Variants in MTMR14 observed in about 807,000 individuals in gnomAD.
MTMR14 encodes the protein phosphatidylinositol-3,5-bisphosphate 3-phosphatase MTMR14.
A neutral mutation model predicts 86.3 loss-of-function variants in MTMR14; 48 were observed. The observed-to-expected ratio is 0.56, with a 90% CI of 0.44 to 0.71. The LOEUF (loss-of-function observed/expected upper bound fraction) is 0.71, where lower values mean the gene tolerates loss of function less well. Ranked by LOEUF, MTMR14 falls within the 30% of genes least tolerant of loss-of-function variation. MTMR14 has a pLI of 0.00. For synonymous variants in MTMR14, 366 were observed against 326.1 expected, an observed-to-expected ratio of 1.12 and a Z score of -1.32; for missense variants, 780 against 834.6, an observed-to-expected ratio of 0.93 and a Z score of 0.81.
intron 2 of MTMR14, among the ~76,000 whole-genome samples, chr3:9,655,669 G>A (rs1431969044): frequency 6.6e-6 from 1 of 151,004 alleles, no homozygotes; most frequent in Non-Finnish European, 1.5e-5. Context: ...CACCACGTTG[G>A]TCAGGCTGGT....
At chr3:9,698,408 C>A (rs1208500011) in intron 18 of MTMR14, among the ~76,000 whole-genome samples, 1 of 152,258 alleles carries the variant, frequency 6.6e-6, no homozygotes, top group Non-Finnish European at 1.5e-5. Flanking sequence ...AACAGTGTGT[C>A]CACCTGACTG....
chr3:9,668,710 C>T lies in MTMR14; in HGVS notation c.418-9C>T, dbSNP rs1447599490. 6.2e-7 allele frequency: 1 copy of T among 1,613,910 alleles called. No individual in the cohort carries two copies. The highest frequency in any genetic ancestry group is 2.2e-5 in the East Asian group (1 of 44,900). On this transcript the variant is annotated splice_polypyrimidine_tract_variant and intron_variant, in intron 3 of 18. Transcript: ENST00000296003. ...CCATCTGACCGTGAAAATGATGTTTCTCTCCCAGCACATTTGCAGGTCGGC... is the reference window on the plus strand; with the variant it reads ...CCATCTGACCGTGAAAATGATGTTTTTCTCCCAGCACATTTGCAGGTCGGC...
At chr3:9,649,782 C>G (rs751769122) in intron 1 of MTMR14, 40 bp downstream of exon 1, 3 of 1,610,376 alleles carry the variant, frequency 1.9e-6, no homozygotes, top group Admixed American at 1.7e-5. Flanking sequence ...AGGCTCCTAA[C>G]TTGGGAAGTT....
chr3:9,661,416 C>A (rs183743786), intron 2 of MTMR14, among the ~76,000 whole-genome samples: 21 of 152,316 alleles, frequency 1.4e-4, no homozygotes, highest in African/African-American at 5.1e-4. Context: ...CACTGATGAT[C>A]TGACAGGAGG....
rs121434509 is a variant in MTMR14 at position 9,684,627 on chromosome 3, G to A, written c.1007G>A (p.Arg336Gln). 3.7e-6 allele frequency: 6 copies of A among 1,614,074 alleles called. No homozygotes were observed. The Admixed American group carries it at 5.0e-5, about 13-fold the overall frequency. ...GTACACTGTATCTCAGGCTGGGATC[G>A]GACCCCCCTCTTCATCTCCCTCCTG... is the stretch of plus-strand genomic sequence containing the variant. ...LLVHCISGWD[R>Q]TPLFISLLRL... Residue 336 changes from arginine (R) to glutamine (Q), a missense_variant, in exon 11 of 19, where the codon CGG (arginine) becomes CAG (glutamine). Physicochemically the swap from Arg to Gln is conservative, Grantham distance 43. Transcript: ENST00000296003.
intron 16 of MTMR14, 81 bp from the exon 17 acceptor site, chr3:9,689,883 A>T: frequency 7.3e-7 from 1 of 1,376,312 alleles, no homozygotes; most frequent in Non-Finnish European, 1.0e-6. Context: ...AGTAAAGCCT[A>T]GGCCTGAAAT....
At chr3:9,659,933 T>A (rs1291314530) in intron 2 of MTMR14, 1 of 430,796 alleles carries the variant, frequency 2.3e-6, no homozygotes, top group Non-Finnish European at 4.7e-6. Flanking sequence ...GTTTTGAGGC[T>A]ACAACTCAAC....
intron 6 of MTMR14, among the ~76,000 whole-genome samples, chr3:9,672,009 A>C (rs2048589175): frequency 6.6e-6 from 1 of 152,164 alleles, no homozygotes; most frequent in African/African-American, 2.4e-5. Context: ...CACCCTGTTC[A>C]GAAGTGGGCT....
Position 9,649,649 on chromosome 3 carries a change from G to A in MTMR14, c.66G>A (p.Gln22=), listed in dbSNP as rs150661840. ...SAGSSASSGN[Q]PPQELGLGEL... is the part of the protein sequence containing the mutation. ...GGTCCTCGGCCTCTTCAGGCAACCA[G>A]CCGCCTCAGGAGCTGGGGCTTGGGG... The change falls in exon 1 of 19, where the codon CAG becomes CAA. Residue 22 remains glutamine, a synonymous_variant. Transcript: ENST00000296003. 5.0e-4 allele frequency: 799 copies of A among 1,583,036 alleles called. 5 individuals are homozygous for A. In the African/African-American group the frequency reaches 7.5e-3, roughly 15 times the overall value.
intron 1 of MTMR14, among the ~76,000 whole-genome samples, chr3:9,653,140 CA>C (rs1446196516): frequency 2.6e-5 from 4 of 152,144 alleles, no homozygotes; most frequent in African/African-American, 9.7e-5. Context: ...CGGGGTGAGA[CA>C]GGAGAATCGC....
chr3:9,699,064 C>T (rs1459628341), intron 18 of MTMR14, among the ~76,000 whole-genome samples: 5 of 151,274 alleles, frequency 3.3e-5, no homozygotes, highest in African/African-American at 7.3e-5. Flanking sequence ...CCCAGCTACT[C>T]GGGAGGCTGA....
At chr3:9,659,794 G>T (rs746746018) in intron 2 of MTMR14, 2 of 456,706 alleles carry the variant, frequency 4.4e-6, no homozygotes, top group South Asian at 1.5e-5. Context: ...ACCACTGGCC[G>T]ACCTAACAAG....
chr3:9,650,267 G>C (rs924383366), intron 1 of MTMR14: 4 of 455,598 alleles, frequency 8.8e-6, no homozygotes, highest in African/African-American at 4.0e-5. Context: ...CTCCCTTTCA[G>C]TTCCTTTATC....
intron 3 of MTMR14, among the ~76,000 whole-genome samples, chr3:9,668,358 A>G (rs1268173856): frequency 6.6e-6 from 1 of 152,212 alleles, no homozygotes; most frequent in African/African-American, 2.4e-5. Flanking sequence ...TAACAGCAAC[A>G]ATGCATGCCA....
chr3:9,649,995 G>C (rs2047184622), intron 1 of MTMR14, among the ~76,000 whole-genome samples: 1 of 152,100 alleles, frequency 6.6e-6, no homozygotes, highest in Admixed American at 6.6e-5. Flanking sequence ...CTGGAGGTGA[G>C]AGATCAAGCT....
At position 9,672,721 on chromosome 3, in the gene MTMR14, C is replaced by T. The variant is rs772473253; in HGVS notation, c.714C>T (p.Arg238=). ...TSSEKVDKAQ[R]YADFTLLSIP... is the part of the protein sequence containing the mutation. The stretch of plus-strand genomic sequence containing the variant: ...CTGAGAAGGTGGACAAAGCCCAGCG[C>T]TATGCCGACTTCACTCTCCTCTCCA... The change falls in exon 7 of 19, where the codon CGC becomes CGT. Residue 238 remains arginine (R), a synonymous_variant. Transcript: ENST00000296003. 6.2e-7 allele frequency: 1 copy of T among 1,614,198 alleles called. No individual in the cohort carries two copies. Among genetic ancestry groups the T allele is most frequent in the South Asian group, 1.1e-5 (1 of 91,086 alleles).
chr3:9,695,663 G>C (rs888031790), intron 17 of MTMR14, among the ~76,000 whole-genome samples: 1 of 152,168 alleles, frequency 6.6e-6, no homozygotes, highest in Admixed American at 6.5e-5. Context: ...GAGTGGTTTT[G>C]GGGCCTGAGA....
chr3:9,683,153 A>G, intron 9 of MTMR14, 25 bp from the exon 10 acceptor site: 1 of 1,609,268 alleles, frequency 6.2e-7, no homozygotes, highest in Non-Finnish European at 8.5e-7. Context: ...GTTAATGTCC[A>G]TTTCTTCTCA....
chr3:9,698,219 ATGGT>A (rs760705457), intron 18 of MTMR14, among the ~76,000 whole-genome samples: 24 of 152,264 alleles, frequency 1.6e-4, no homozygotes, highest in Non-Finnish European at 1.9e-4. Flanking sequence ...AGGTAGGTGT[ATGGT>A]GGAGGCCAGA....
Sources: gnomAD v4.1 joint callset for allele counts (sites outside exome capture counted in the v4.1 genomes callset) on GRCh38, gnomAD v4.1.1 for gene constraint, MANE v1.5 for transcripts, NCBI Gene and HGNC (gene_info 2026-07-23, HGNC 2026-07-21) for gene names.